Variants in GRM1 observed in about 807,000 individuals in gnomAD.
GRM1 encodes the protein glutamate metabotropic receptor 1, also known as metabotropic glutamate receptor 1.
In GRM1, 33 loss-of-function variants were observed where a neutral mutation model predicts 90.9. The ratio of observed to expected loss-of-function variants is 0.36; its 90% CI spans 0.28 to 0.49. The LOEUF (loss-of-function observed/expected upper bound fraction) is 0.49. Ranked by LOEUF, GRM1 falls within the 20% of genes least tolerant of loss-of-function variation. The pLI, the probability that GRM1 is intolerant of heterozygous loss-of-function variation, is 0.99. For synonymous variants in GRM1, 700 were observed against 613.2 expected (o/e 1.14, Z -2.09); for missense variants, 1,190 against 1,534.3 (o/e 0.78, Z 3.75).
chr6:146,249,617 T>A (rs1032724043), intron 2 of GRM1, among the ~76,000 whole-genome samples: 2 of 151,968 alleles, frequency 1.3e-5, no homozygotes, highest in Non-Finnish European at 2.9e-5. Flanking sequence ...ACCGCAGGGG[T>A]GGGGCAGAGA....
At chr6:146,327,472 T>C (rs912528789) in intron 3 of GRM1, among the ~76,000 whole-genome samples, 3 of 152,186 alleles carry the variant, frequency 2.0e-5, no homozygotes, top group African/African-American at 7.2e-5. Flanking sequence ...TGAGATAACC[T>C]CCTCATACAG....
At chr6:146,213,277 G>T (rs1031294120) in intron 2 of GRM1, among the ~76,000 whole-genome samples, 3 of 152,090 alleles carry the variant, frequency 2.0e-5, no homozygotes, top group African/African-American at 7.2e-5. Flanking sequence ...AAATGAGAGG[G>T]TTGGAGTGTC....
chr6:146,260,015 T>C (rs1382238358), intron 2 of GRM1, among the ~76,000 whole-genome samples: 1 of 150,182 alleles, frequency 6.7e-6, no homozygotes, highest in African/African-American at 2.4e-5. Context: ...TTATTTTTAT[T>C]ATTTTTTATT....
At chr6:146,336,063 A>G (rs138226692) in intron 3 of GRM1, among the ~76,000 whole-genome samples, 2,403 of 152,312 alleles carry the variant, frequency 0.016, 34 homozygotes, top group Middle Eastern at 0.027. Flanking sequence ...CTGTAAATCC[A>G]TTAAACCTCT....
chr6:146,066,018 G>T (rs914015942), intron 1 of GRM1, among the ~76,000 whole-genome samples: 1 of 151,470 alleles, frequency 6.6e-6, no homozygotes, highest in Non-Finnish European at 1.5e-5. Flanking sequence ...GCTGTGAGAT[G>T]CATGTTGCTT....
intron 3 of GRM1, among the ~76,000 whole-genome samples, chr6:146,315,359 C>A (rs542030518): frequency 6.6e-6 from 1 of 152,140 alleles, no homozygotes; most frequent in East Asian, 1.9e-4. Flanking sequence ...TGCACTCCAG[C>A]CTGGGCAGCA....
chr6:146,402,404 CTA>C (rs1485721762), intron 7 of GRM1, among the ~76,000 whole-genome samples: 1 of 152,066 alleles, frequency 6.6e-6, no homozygotes, highest in African/African-American at 2.4e-5. Flanking sequence ...AATCTCAATG[CTA>C]TGTTTTTACC....
chr6:146,296,050 G>A (rs1461281897), intron 2 of GRM1, among the ~76,000 whole-genome samples: 1 of 152,150 alleles, frequency 6.6e-6, no homozygotes, highest in African/African-American at 2.4e-5. Flanking sequence ...TAAAAGACAT[G>A]ACTTCATTCT....
At chr6:146,153,593 C>T (rs1180000107) in intron 1 of GRM1, among the ~76,000 whole-genome samples, 1 of 152,046 alleles carries the variant, frequency 6.6e-6, no homozygotes, top group Non-Finnish European at 1.5e-5. Context: ...GATGAGAACA[C>T]GTGGACATAT....
intron 7 of GRM1, among the ~76,000 whole-genome samples, chr6:146,415,256 A>G (rs908530208): frequency 1.3e-5 from 2 of 152,152 alleles, no homozygotes; most frequent in African/African-American, 4.8e-5. Context: ...TCTTTCATAA[A>G]GGTAGTAATC....
chr6:146,193,165 A>G (rs1028520710), intron 2 of GRM1, among the ~76,000 whole-genome samples: 5 of 152,194 alleles, frequency 3.3e-5, no homozygotes, highest in African/African-American at 4.8e-5. Context: ...TAAGATGCCT[A>G]TTATTATGGA....
intron 1 of GRM1, among the ~76,000 whole-genome samples, chr6:146,081,170 A>G (rs1292074001): frequency 1.3e-5 from 2 of 152,136 alleles, no homozygotes; most frequent in African/African-American, 2.4e-5. Flanking sequence ...TGCTCTAAGT[A>G]TGAGAGGGTG....
At chr6:146,304,889 C>T (rs373193257) in intron 3 of GRM1, 43 bp downstream of exon 3, 12 of 1,330,174 alleles carry the variant, frequency 9.0e-6, no homozygotes, top group Non-Finnish European at 1.3e-5. Flanking sequence ...GTTTGGTCAT[C>T]TCTTCTAGAT....
At chr6:146,406,396 G>A (rs1419840384) in intron 7 of GRM1, among the ~76,000 whole-genome samples, 1 of 152,050 alleles carries the variant, frequency 6.6e-6, no homozygotes, top group African/African-American at 2.4e-5. Context: ...GATTTTATTG[G>A]GCCTCTGGAC....
chr6:146,039,190 A>G (rs556116536), intron 1 of GRM1, among the ~76,000 whole-genome samples: 10 of 152,128 alleles, frequency 6.6e-5, no homozygotes, highest in Non-Finnish European at 1.0e-4. Flanking sequence ...AGGAGTAGGC[A>G]TGAGGTAGAG....
chr6:146,324,866 T>G (rs1219617941), intron 3 of GRM1, among the ~76,000 whole-genome samples: 1 of 152,226 alleles, frequency 6.6e-6, no homozygotes, highest in Non-Finnish European at 1.5e-5. Context: ...ACTGTTCCCA[T>G]TCGGCCATCT....
chr6:146,162,239 A>ATTTT (rs1562501558), intron 2 of GRM1, among the ~76,000 whole-genome samples: 3 of 152,174 alleles, frequency 2.0e-5, no homozygotes, highest in Non-Finnish European at 2.9e-5. Flanking sequence ...CAAGAAGGGC[A>ATTTT]TTGTGTAGGT....
In GRM1 at chr6:146,047,437, A is replaced by G. The variant is rs143143577; in HGVS notation, c.700+17220A>G. On this transcript the variant is annotated intron_variant, in intron 1 of 7. Transcript: ENST00000282753. ...AAATATTTGATTTTAAGAAGGATACAGGCAAACTTATTGCAATGTTTTGCA... is the reference window on the plus strand; with the variant it reads ...AAATATTTGATTTTAAGAAGGATACGGGCAAACTTATTGCAATGTTTTGCA... Among the ~76,000 whole-genome samples, 670 of 152,066 alleles carry G rather than the reference A, an allele frequency of 4.4e-3. 2 individuals are homozygous for G. Among genetic ancestry groups the G allele is most frequent in the Middle Eastern group, 0.01 (3 of 294 alleles).
intron 1 of GRM1, among the ~76,000 whole-genome samples, chr6:146,093,919 G>A (rs1776794173): frequency 6.6e-6 from 1 of 151,984 alleles, no homozygotes; most frequent in Admixed American, 6.6e-5. Context: ...GTATTAAGAA[G>A]TCTCAGAGTT....
Sources: allele counts gnomAD v4.1 joint callset (sites outside exome capture counted in the v4.1 genomes callset), GRCh38; gene constraint gnomAD v4.1.1; transcripts MANE v1.5; gene names NCBI Gene and HGNC (gene_info 2026-07-23, HGNC 2026-07-21).